GNPNAT1: variants seen among roughly 807,000 people sequenced by gnomAD.
GNPNAT1 encodes glucosamine-phosphate N-acetyltransferase 1.
A neutral mutation model predicts 19.8 loss-of-function variants in GNPNAT1; 11 were observed. The ratio of observed to expected loss-of-function variants is 0.56; its 90% confidence interval spans 0.35 to 0.92. The LOEUF is 0.92. GNPNAT1 is among the 40% of genes least tolerant of loss of function. The probability of loss-of-function intolerance (pLI) is 0.01; values close to 1 mark genes in which losing one functional copy is unlikely to be tolerated. For missense variants in GNPNAT1, 157 were observed against 211.0 expected (o/e 0.74, Z 1.59); for synonymous variants, 71 against 72.3 (o/e 0.98, Z 0.09).
At position 52,775,587 on chromosome 14, in the gene GNPNAT1, C is replaced by G. The variant is rs1882684909; in HGVS notation, c.*2724G>C. ...CCACCTCATTATACCTTTTCACAAG[C>G]AAATAGTGGCCAAAGATGTGAACGG... On this transcript the variant is annotated 3_prime_UTR_variant, in exon 6 of 6. Transcript: ENST00000216410. 6.6e-6 allele frequency: 1 copy of G among 152,094 alleles called. No individual in the cohort carries two copies. The highest frequency in any genetic ancestry group is 2.1e-4 in the South Asian group (1 of 4,822). 9.4% of individuals were successfully genotyped at this position (152,094 alleles called of 1,614,324 possible).
At chr14:52,780,799 G>A (rs1882876225) in intron 4 of GNPNAT1, 59 bp from the exon 5 acceptor site, 10 of 1,017,332 alleles carry the variant, frequency 9.8e-6, no homozygotes, top group Admixed American at 3.8e-5. Context: ...TAGCTAAAAC[G>A]AGTTGGTAAG....
At chr14:52,785,440 C>G (rs1566689239) in intron 1 of GNPNAT1, among the ~76,000 whole-genome samples, 1 of 151,714 alleles carries the variant, frequency 6.6e-6, no homozygotes, top group Non-Finnish European at 1.5e-5. Flanking sequence ...AGAAAACTTT[C>G]AGCTGTGCAC....
intron 2 of GNPNAT1, 94 bp downstream of exon 2, chr14:52,784,403 A>C: frequency 9.5e-7 from 1 of 1,053,092 alleles, no homozygotes; most frequent in Non-Finnish European, 1.3e-6. Flanking sequence ...AAAATAGTCC[A>C]AAAGTCAAAT....
At chr14:52,778,907 C>T (rs887251612) in intron 5 of GNPNAT1, among the ~76,000 whole-genome samples, 17 of 152,004 alleles carry the variant, frequency 1.1e-4, no homozygotes, top group Admixed American at 3.9e-4. Context: ...CGCAGCTACT[C>T]CAGAGGCTGA....
chr14:52,790,175 G>A (rs1266329575), intron 1 of GNPNAT1, among the ~76,000 whole-genome samples: 1 of 152,076 alleles, frequency 6.6e-6, no homozygotes, highest in African/African-American at 2.4e-5. Flanking sequence ...GGGGAGAGAG[G>A]CTGCTGCTAG....
rs1250737818 is a variant in GNPNAT1, at chr14:52,791,222, G to A, written c.-15+206C>T. 6.6e-6 allele frequency among the ~76,000 whole-genome samples: 1 copy of A among 152,114 alleles called. No homozygotes were observed. Among genetic ancestry groups the A allele is most frequent in the African/African-American group, 2.4e-5 (1 of 41,410 alleles). ...ATCATCCTTAACCTCTGCTCCAGGC[G>A]CGCGTGCGTTCAACTTCCTGGGAAC... is the stretch of plus-strand genomic sequence containing the variant. On this transcript the variant is annotated intron_variant, in intron 1 of 5. Coordinates refer to ENST00000216410, the MANE Select transcript of GNPNAT1 (RefSeq NM_198066.4). The surrounding 1 kb of genome is among the most constrained non-coding windows in gnomAD (Gnocchi z 4.1).
chr14:52,778,223 C>G lies in GNPNAT1; in HGVS notation c.*88G>C. 1 of 969,450 alleles carries G rather than the reference C, an allele frequency of 1.0e-6. No individual in the cohort carries two copies. The highest frequency in any genetic ancestry group is 1.5e-6 in the Non-Finnish European group (1 of 660,738). 60.1% of individuals were successfully genotyped at this position (969,450 alleles called of 1,614,324 possible). ...TTTTCAGTCCAGTATTTATGGAGGT[C>G]ACTCGGCTGCAGCAACAAAATATTT... On this transcript the variant is annotated 3_prime_UTR_variant, in exon 6 of 6. Transcript: ENST00000216410.
At chr14:52,780,082 T>C (rs1882854631) in intron 5 of GNPNAT1, among the ~76,000 whole-genome samples, 1 of 152,098 alleles carries the variant, frequency 6.6e-6, no homozygotes, top group African/African-American at 2.4e-5. Flanking sequence ...AGAGGATTGC[T>C]TGAGCCCAGG....
At chr14:52,790,096 T>C (rs140406195) in intron 1 of GNPNAT1, among the ~76,000 whole-genome samples, 183 of 152,246 alleles carry the variant, frequency 1.2e-3, no homozygotes, top group African/African-American at 4.0e-3. Context: ...TTTCACTCAA[T>C]TGAATATTTT....
chr14:52,787,451 T>A (rs1883048738), intron 1 of GNPNAT1, among the ~76,000 whole-genome samples: 2 of 152,148 alleles, frequency 1.3e-5, no homozygotes, highest in Admixed American at 1.3e-4. Flanking sequence ...CTTTACTAAT[T>A]CATTTATTTC....
At chr14:52,782,324 C>T (rs1405238605) in intron 3 of GNPNAT1, among the ~76,000 whole-genome samples, 1 of 152,026 alleles carries the variant, frequency 6.6e-6, no homozygotes, top group African/African-American at 2.4e-5. Context: ...TTACATGGCT[C>T]AATTCTAGAA....
rs751147724 is a variant in GNPNAT1 at position 52,781,818 on chromosome 14, A to G, written c.311T>C (p.Ile104Thr). The G allele has an allele frequency of 1.2e-6, 2 of 1,606,420 alleles. No individual in the cohort carries two copies. Among genetic ancestry groups the G allele is most frequent in the Non-Finnish European group, 1.7e-6 (2 of 1,177,796 alleles). ...GGAATGGATGAATTTATGTTCTATA[A>G]TCAGAGTTGCCGTAGCAACAATCTG... is the stretch of plus-strand genomic sequence containing the variant. The part of the protein sequence containing the change: ...LGQIVATATL[I>T]IEHKFIHSCA... Residue 104 changes from isoleucine (I) to threonine (T), a missense_variant, in exon 4 of 6, where the codon ATT becomes ACT. Coordinates refer to ENST00000216410, the MANE Select transcript of GNPNAT1 (RefSeq NM_198066.4).
chr14:52,784,656 T>C lies in GNPNAT1; in HGVS notation c.-6A>G, dbSNP rs370141691. 5 of 1,473,070 alleles carry C rather than the reference T, an allele frequency of 3.4e-6. No individual in the cohort carries two copies. The highest frequency in any genetic ancestry group is 2.8e-6 in the Non-Finnish European group (3 of 1,085,262). The allele number at this position is 1,473,070 out of a possible 1,614,324, so 91.2% of individuals were successfully genotyped here. ...GGAGTTTCATCAGGTTTCATTTTTC[T>C]AGTAAGGTCTAAAATAAAAATTTGA... On this transcript the variant is annotated 5_prime_UTR_variant, in exon 2 of 6. Coordinates refer to ENST00000216410, the MANE Select transcript of GNPNAT1 (RefSeq NM_198066.4).
At chr14:52,789,504 A>G (rs1474956073) in intron 1 of GNPNAT1, among the ~76,000 whole-genome samples, 1 of 152,136 alleles carries the variant, frequency 6.6e-6, no homozygotes, top group Non-Finnish European at 1.5e-5. Context: ...TTAACATCAA[A>G]AATTTTTTTA....
At chr14:52,785,448 C>T (rs2139969716) in intron 1 of GNPNAT1, among the ~76,000 whole-genome samples, 1 of 151,888 alleles carries the variant, frequency 6.6e-6, no homozygotes, top group East Asian at 2.0e-4. Flanking sequence ...TTCAGCTGTG[C>T]ACGGTGGCTC....
rs201583293 is a variant in GNPNAT1 at position 52,790,320 on chromosome 14, CCTT to C, written c.-15+1105_-15+1107del. On this transcript the variant is annotated intron_variant, in intron 1 of 5. Transcript: ENST00000216410. ...GTATTTCTCAAGAGCTCCTGGGGAACCTTCTAAGTACAGGTGAATGGGGGAGGG... is the reference window on the plus strand; with the variant it reads ...GTATTTCTCAAGAGCTCCTGGGGAACCTAAGTACAGGTGAATGGGGGAGGG... Among the ~76,000 whole-genome samples, 774 of 152,262 alleles carry C rather than the reference CCTT, an allele frequency of 5.1e-3. 5 individuals carry two copies. The highest frequency in any genetic ancestry group is 0.044 in the East Asian group (228 of 5,190).
In GNPNAT1 at chr14:52,783,483, A is replaced by ATT; in HGVS notation, c.156_157insAA (p.Phe53AsnfsTer9). 1 of 1,606,996 alleles carries ATT rather than the reference A, an allele frequency of 6.2e-7. No individual in the cohort carries two copies. The highest frequency in any genetic ancestry group is 8.5e-7 in the Non-Finnish European group (1 of 1,174,078). Reference sequence around the variant, plus strand: ...GTTAGCTGACCCAATACCTTAAAAAAACCTAGTTTTGAAAAACAGATTTCA... The same window carrying ATT: ...GTTAGCTGACCCAATACCTTAAAAAATTACCTAGTTTTGAAAAACAGATTTCA... On this transcript the variant is annotated frameshift_variant and splice_region_variant, in exon 3 of 6. Coordinates refer to ENST00000216410, the MANE Select transcript of GNPNAT1 (RefSeq NM_198066.4). LOFTEE classifies it high-confidence loss of function.
rs1402667425 is a variant in GNPNAT1, at chr14:52,777,795, C to T, written c.*516G>A. 4 of 152,204 alleles carry T rather than the reference C, an allele frequency of 2.6e-5. No individual in the cohort carries two copies. The highest frequency in any genetic ancestry group is 2.1e-4 in the South Asian group (1 of 4,828). 9.4% of individuals were successfully genotyped at this position (152,204 alleles called of 1,614,324 possible). ...GGTTGTTTGCCTGTATTGGGATCAA[C>T]GAATGTTGGACTATACTATGTTTAG... On this transcript the variant is annotated 3_prime_UTR_variant, in exon 6 of 6. Coordinates refer to ENST00000216410, the MANE Select transcript of GNPNAT1 (RefSeq NM_198066.4).
Position 52,784,507 on chromosome 14 carries a change from G to T in GNPNAT1, c.144C>A (p.Asp48Glu). ...GATTTTGTACATTACCTCTATTTAA[G>T]TCAGCAGTACAAAGAGGCCTCAAAA... Reference protein sequence around the residue: ...GLVLRPLCTADLNRGFFKVLG... With the variant: ...GLVLRPLCTAELNRGFFKVLG... Residue 48 changes from aspartate to glutamate, a missense_variant, in exon 2 of 6, where the codon GAC becomes GAA. Coordinates refer to ENST00000216410, the MANE Select transcript of GNPNAT1 (RefSeq NM_198066.4). The T allele has an allele frequency of 6.4e-7, 1 of 1,574,734 alleles. No homozygotes were observed. Among genetic ancestry groups the T allele is most frequent in the Non-Finnish European group, 8.6e-7 (1 of 1,166,796 alleles).
Sources: gnomAD v4.1 joint callset for allele counts (sites outside exome capture counted in the v4.1 genomes callset) on GRCh38, gnomAD v4.1.1 for gene constraint, Gnocchi (gnomAD v3.1) non-coding constraint, MANE v1.5 for transcripts, NCBI Gene and HGNC (gene_info 2026-07-23, HGNC 2026-07-21) for gene names.